The following PTPN2 variants were observed in gnomAD, a reference collection of about 807,000 sequenced individuals.
PTPN2 encodes the protein protein tyrosine phosphatase non-receptor type 2, also known as tyrosine-protein phosphatase non-receptor type 2.
In PTPN2, 19 loss-of-function variants were observed where a neutral mutation model predicts 57.3. The ratio of observed to expected loss-of-function variants is 0.33; its 90% confidence interval spans 0.23 to 0.49. The LOEUF (loss-of-function observed/expected upper bound fraction) is 0.49, where lower values mean the gene tolerates loss of function less well. Ranked by LOEUF, PTPN2 falls within the 20% of genes least tolerant of loss-of-function variation. PTPN2 has a pLI of 0.99. For synonymous variants in PTPN2, 153 were observed against 164.9 expected (o/e 0.93, Z 0.55); for missense variants, 358 against 501.1 (o/e 0.71, Z 2.73).
intron 1 of PTPN2, among the ~76,000 whole-genome samples, chr18:12,870,271 ATG>A (rs1555679393): frequency 6.4e-5 from 6 of 93,358 alleles, no homozygotes; most frequent in South Asian, 3.9e-4. Context: ...ATATATATAT[ATG>A]TATATATATA....
chr18:12,855,432 G>A lies in PTPN2; in HGVS notation c.160+3732C>T, dbSNP rs371571423. 3.3e-5 allele frequency among the ~76,000 whole-genome samples: 5 copies of A among 152,242 alleles called. No individual in the cohort carries two copies. The East Asian group carries it at 7.7e-4, about 24-fold the overall frequency. On this transcript the variant is annotated intron_variant, in intron 2 of 8. Transcript: ENST00000309660. ...CAGGGCCCATGAGGAGGATGGGGAC[G>A]AAGGATTCGGCTAGGACAGAGGGAG...
intron 1 of PTPN2, among the ~76,000 whole-genome samples, chr18:12,882,337 A>G (rs954487834): frequency 7.2e-5 from 11 of 152,182 alleles, no homozygotes; most frequent in African/African-American, 2.4e-4. Flanking sequence ...CTATAGAAGG[A>G]TTTCCTTATC....
chr18:12,872,491 C>T (rs1444854862), intron 1 of PTPN2, among the ~76,000 whole-genome samples: 1 of 152,208 alleles, frequency 6.6e-6, no homozygotes, highest in Non-Finnish European at 1.5e-5. Flanking sequence ...TTCCCTTCCT[C>T]CATTCCTCTC....
chr18:12,837,731 C>A (rs758651813), intron 2 of PTPN2, among the ~76,000 whole-genome samples: 1 of 151,504 alleles, frequency 6.6e-6, no homozygotes, highest in African/African-American at 2.4e-5. Flanking sequence ...TACAAGTTGT[C>A]CCTCTCAAAG....
At position 12,825,899 on chromosome 18, in the gene PTPN2, A is replaced by G. The variant is rs142645165; in HGVS notation, c.406T>C (p.Phe136Leu). Residue 136 changes from phenylalanine (F) to leucine (L), a missense_variant, in exon 5 of 9, where the codon TTT (phenylalanine) becomes CTT (leucine). Phe to Leu is a conservative substitution (Grantham distance 22). This residue lies in a region of PTPN2 where 193 missense variants were observed against 315.4 expected (regional missense o/e 0.61). Coordinates refer to ENST00000309660, the MANE Select transcript of PTPN2 (RefSeq NM_002828.4). Reference sequence around the variant, plus strand: ...TTCACACTGAATCCTGTTTCTTTAAACAGCATCTCTTGGTCATCTGTTGGC... The same window carrying G: ...TTCACACTGAATCCTGTTTCTTTAAGCAGCATCTCTTGGTCATCTGTTGGC... ...YWPTDDQEML[F>L]KETGFSVKLL... is the part of the protein sequence containing the mutation. 3.5e-4 allele frequency: 562 copies of G among 1,611,364 alleles called. 1 individual carries two copies. In the African/African-American group the frequency reaches 6.8e-3, roughly 19 times the overall value.
At chr18:12,817,482 T>C (rs914870768) in intron 5 of PTPN2, 117 bp from the exon 6 acceptor site, 13 of 755,622 alleles carry the variant, frequency 1.7e-5, no homozygotes, top group Middle Eastern at 2.4e-4. Context: ...GTTTATACTA[T>C]GATTTTTCCA....
At chr18:12,880,186 T>C (rs901011301) in intron 1 of PTPN2, among the ~76,000 whole-genome samples, 16 of 152,166 alleles carry the variant, frequency 1.1e-4, no homozygotes, top group African/African-American at 3.1e-4. Flanking sequence ...GGGGGGAAAG[T>C]TGTGCCAAGG....
intron 2 of PTPN2, among the ~76,000 whole-genome samples, chr18:12,844,848 A>G (rs1300149058): frequency 6.6e-6 from 1 of 151,904 alleles, no homozygotes; most frequent in African/African-American, 2.4e-5. Context: ...ATTTTCTCCC[A>G]TTTTCTTATG....
At chr18:12,799,419 GA>G (rs1194686805) in intron 8 of PTPN2, among the ~76,000 whole-genome samples, 29 of 137,514 alleles carry the variant, frequency 2.1e-4, no homozygotes, top group Admixed American at 5.1e-4. Context: ...TCCGTCTCAG[GA>G]AAAAAAAAAA....
At chr18:12,837,044 T>C (rs2042890109) in intron 2 of PTPN2, among the ~76,000 whole-genome samples, 153 bp from the exon 3 acceptor site, 1 of 152,248 alleles carries the variant, frequency 6.6e-6, no homozygotes, top group Admixed American at 6.5e-5. Context: ...AACTATTCTC[T>C]ACTTTTTTTG....
chr18:12,851,567 C>T (rs1344791807), intron 2 of PTPN2, among the ~76,000 whole-genome samples: 1 of 151,994 alleles, frequency 6.6e-6, no homozygotes, highest in Non-Finnish European at 1.5e-5. Flanking sequence ...TTAAGAAGCC[C>T]ATGAACATGG....
chr18:12,814,902 C>T (rs2042014528), intron 6 of PTPN2, among the ~76,000 whole-genome samples: 1 of 151,444 alleles, frequency 6.6e-6, no homozygotes, highest in Non-Finnish European at 1.5e-5. Context: ...TGGCCAACAT[C>T]GCGAAATGCC....
In PTPN2 at chr18:12,870,272, T is replaced by C. The variant is rs144976898; in HGVS notation, c.70-11018A>G. Among the ~76,000 whole-genome samples the C allele has an allele frequency of 7.1e-3, 664 of 92,948 alleles. 47 individuals carry two copies. The highest frequency in any genetic ancestry group is 0.039 in the African/African-American group (598 of 15,200). The allele number at this position is 92,948 out of a possible 152,430, so 61.0% of individuals were successfully genotyped here. ...CTTAACTTTAGCATATATATATATATGTATATATATACATATACATATATA... is the reference window on the plus strand; with the variant it reads ...CTTAACTTTAGCATATATATATATACGTATATATATACATATACATATATA... On this transcript the variant is annotated intron_variant, in intron 1 of 8. Transcript: ENST00000309660.
At chr18:12,863,238 C>T (rs537131938) in intron 1 of PTPN2, 3 of 152,332 alleles carry the variant, frequency 2.0e-5, no homozygotes, top group African/African-American at 7.2e-5. Context: ...GGAAGGATCA[C>T]TTGAGGGTAG....
intron 2 of PTPN2, among the ~76,000 whole-genome samples, chr18:12,851,535 T>C (rs934318343): frequency 6.6e-6 from 1 of 152,176 alleles, no homozygotes; most frequent in Non-Finnish European, 1.5e-5. Flanking sequence ...TAAATCTATT[T>C]CTTTACAAAT....
intron 8 of PTPN2, among the ~76,000 whole-genome samples, chr18:12,801,220 T>C (rs2041408941): frequency 6.6e-6 from 1 of 152,194 alleles, no homozygotes; most frequent in Non-Finnish European, 1.5e-5. Flanking sequence ...AAATAAAGGT[T>C]ATATTAATTT....
chr18:12,846,487 C>T (rs2043211291), intron 2 of PTPN2, among the ~76,000 whole-genome samples: 1 of 152,182 alleles, frequency 6.6e-6, no homozygotes, highest in African/African-American at 2.4e-5. Flanking sequence ...TATTTATTTT[C>T]ATGCTCAGAT....
rs1555660749 is a variant in PTPN2, at chr18:12,807,586, A to ATATATTATATATATAT, written c.859-5436_859-5435insATATATATATAATATA. On this transcript the variant is annotated intron_variant, in intron 7 of 8. Transcript: ENST00000309660. ...AAATGTGGAAAAAAAAAAAAAAAAAAATATATATATATATATATAATATAA... is the reference window on the plus strand; with the variant it reads ...AAATGTGGAAAAAAAAAAAAAAAAAATATATTATATATATATATATATATATATATATATAATATAA... Among the ~76,000 whole-genome samples the ATATATTATATATATAT allele has an allele frequency of 5.7e-5, 2 of 35,194 alleles. 1 individual carries two copies. The highest frequency in any genetic ancestry group is 1.2e-4 in the Non-Finnish European group (2 of 16,280). 23.1% of individuals were successfully genotyped at this position (35,194 alleles called of 152,430 possible).
At chr18:12,817,829 G>A (rs978088075) in intron 5 of PTPN2, among the ~76,000 whole-genome samples, 2 of 152,156 alleles carry the variant, frequency 1.3e-5, no homozygotes, top group African/African-American at 4.8e-5. Context: ...TATCATGAAT[G>A]GGCTATTTTT....
Sources: allele counts gnomAD v4.1 joint callset (sites outside exome capture counted in the v4.1 genomes callset), GRCh38; gene constraint gnomAD v4.1.1; regional missense constraint gnomAD v4.1.1; transcripts MANE v1.5; gene names NCBI Gene and HGNC (gene_info 2026-07-23, HGNC 2026-07-21).